The following DCN variants were observed in gnomAD, a reference collection of about 807,000 sequenced individuals.
The protein encoded by DCN is bone proteoglycan II.
In DCN, 17 loss-of-function variants were observed where a neutral mutation model predicts 36.5. The ratio of observed to expected loss-of-function variants is 0.47; its 90% CI spans 0.32 to 0.70. The LOEUF is 0.70. Ranked by LOEUF, DCN falls within the 30% of genes least tolerant of loss-of-function variation. DCN has a pLI of 0.04. For synonymous variants in DCN, 163 were observed against 161.4 expected, an observed-to-expected ratio of 1.01 and a Z score of -0.07; for missense variants, 389 against 430.1, an observed-to-expected ratio of 0.90 and a Z score of 0.84.
chr12:91,173,758 G>T (rs1883120910), intron 2 of DCN, among the ~76,000 whole-genome samples: 1 of 152,118 alleles, frequency 6.6e-6, no homozygotes, highest in African/African-American at 2.4e-5. Flanking sequence ...TTTCTGGGTT[G>T]ATTTCATGGG....
intron 2 of DCN, 81 bp downstream of exon 2, chr12:91,178,261 T>C (rs1391412220): frequency 5.5e-6 from 7 of 1,272,232 alleles, no homozygotes; most frequent in Admixed American, 1.7e-5. Context: ...AGATTAAAAC[T>C]GAAAATGCTA....
intron 7 of DCN, 141 bp from the exon 8 acceptor site, chr12:91,146,393 G>A (rs1167559682): frequency 4.2e-6 from 2 of 472,950 alleles, no homozygotes; most frequent in Middle Eastern, 5.3e-4. Flanking sequence ...ATCTTGCTTT[G>A]TCACCCAGGC....
Position 91,145,273 on chromosome 12 carries a change from A to T in DCN, c.*785T>A, listed in dbSNP as rs1329145974. The T allele has an allele frequency of 6.6e-6, 1 of 152,220 alleles. No homozygotes were observed. The highest frequency in any genetic ancestry group is 6.5e-5 in the Admixed American group (1 of 15,280). 9.4% of individuals were successfully genotyped at this position (152,220 alleles called of 1,614,324 possible). On this transcript the variant is annotated 3_prime_UTR_variant, in exon 8 of 8. Transcript: ENST00000052754. ...TTACATGAAGTCACATGATAGTTTT[A>T]ATATTTATTTAGCAGAGGGGTAAAT...
chr12:91,167,429 G>C (rs1882641924), intron 2 of DCN, among the ~76,000 whole-genome samples: 1 of 151,228 alleles, frequency 6.6e-6, no homozygotes, highest in African/African-American at 2.4e-5. Flanking sequence ...AGTGTGGTTA[G>C]TTTTAATGTA....
chr12:91,168,934 C>A (rs1003117628), intron 2 of DCN, among the ~76,000 whole-genome samples: 4 of 152,160 alleles, frequency 2.6e-5, no homozygotes, highest in African/African-American at 4.8e-5. Context: ...CTCTACATGG[C>A]ATATATTTCT....
chr12:91,158,250 G>T, intron 4 of DCN, 46 bp downstream of exon 4: 2 of 1,214,442 alleles, frequency 1.6e-6, no homozygotes, highest in Non-Finnish European at 2.5e-6. Context: ...AATCTCTTAA[G>T]ATAAAAACTT....
chr12:91,169,060 A>C (rs1882765531), intron 2 of DCN, among the ~76,000 whole-genome samples: 1 of 152,202 alleles, frequency 6.6e-6, no homozygotes, highest in Non-Finnish European at 1.5e-5. Flanking sequence ...TAAATTCCAA[A>C]AGAAAATGAA....
intron 7 of DCN, among the ~76,000 whole-genome samples, chr12:91,146,912 G>A (rs1881063695): frequency 6.6e-6 from 1 of 152,070 alleles, no homozygotes; most frequent in Non-Finnish European, 1.5e-5. Flanking sequence ...CCTCTACTCC[G>A]ACAACCTTGT....
chr12:91,180,813 C>T (rs1463178371), intron 1 of DCN: 2 of 152,076 alleles, frequency 1.3e-5, no homozygotes, highest in African/African-American at 4.8e-5. Flanking sequence ...AGCTTGCTAG[C>T]CTTGCATATT....
rs1045542873 is a variant in DCN, at chr12:91,157,072, C to T, written c.652+3G>A. On this transcript the variant is annotated splice_donor_region_variant and intron_variant, in intron 5 of 7. Transcript: ENST00000052754. ...CAAAATGTTTTGGAGAATCTTCTAT[C>T]ACCTTGAGGAATGCTGGTGATATTG... The T allele has an allele frequency of 1.1e-5, 17 of 1,554,484 alleles. No homozygotes were observed. The highest frequency in any genetic ancestry group is 1.0e-4 in the South Asian group (9 of 89,936).
chr12:91,153,085 A>G lies in DCN; in HGVS notation c.746+11T>C, dbSNP rs1881538277. The G allele has an allele frequency of 7.0e-7, 1 of 1,425,550 alleles. No individual in the cohort carries two copies. Among genetic ancestry groups the G allele is most frequent in the East Asian group, 2.3e-5 (1 of 43,916 alleles). 88.3% of individuals were successfully genotyped at this position (1,425,550 alleles called of 1,614,324 possible). A position where few individuals can be genotyped will look rare whatever the true frequency, so the allele number is the denominator to read the frequency against. On this transcript the variant is annotated intron_variant, in intron 6 of 7. Coordinates refer to ENST00000052754, the MANE Select transcript of DCN (RefSeq NM_001920.5). ...TTGTTCTGATAGAATGTCATGAAAG[A>G]ATATTATTACTTAGCCAAATTATTC... is the stretch of plus-strand genomic sequence containing the variant.
At chr12:91,160,151 G>A (rs1473596305) in intron 3 of DCN, among the ~76,000 whole-genome samples, 1 of 151,992 alleles carries the variant, frequency 6.6e-6, no homozygotes, top group African/African-American at 2.4e-5. Context: ...AAAAACTTGT[G>A]GGAGTTAAGG....
At chr12:91,161,276 A>G (rs1882137387) in intron 3 of DCN, among the ~76,000 whole-genome samples, 1 of 152,228 alleles carries the variant, frequency 6.6e-6, no homozygotes, top group South Asian at 2.1e-4. Flanking sequence ...TGAGAATGTC[A>G]TGGACACTAG....
At chr12:91,168,349 C>A (rs1882720078) in intron 2 of DCN, among the ~76,000 whole-genome samples, 1 of 152,108 alleles carries the variant, frequency 6.6e-6, no homozygotes, top group Admixed American at 6.5e-5. Flanking sequence ...TCATGCTGAC[C>A]ACCCCTGTAT....
chr12:91,162,618 A>G (rs544720736), intron 3 of DCN, among the ~76,000 whole-genome samples: 33 of 152,338 alleles, frequency 2.2e-4, no homozygotes, highest in African/African-American at 7.7e-4. Context: ...TCCCAACATT[A>G]AGAATGTATT....
In DCN at chr12:91,148,755, A is replaced by G. The variant is rs3138279; in HGVS notation, c.886-2503T>C. On this transcript the variant is annotated intron_variant, in intron 7 of 7. Coordinates refer to ENST00000052754, the MANE Select transcript of DCN (RefSeq NM_001920.5). Reference sequence around the variant, plus strand: ...AAAAAAAAAAAAAAAAAAAATTTGAAATATTGTTCTACCCACTAGGACATT... The same window carrying G: ...AAAAAAAAAAAAAAAAAAAATTTGAGATATTGTTCTACCCACTAGGACATT... 3.2e-3 allele frequency among the ~76,000 whole-genome samples: 483 copies of G among 150,016 alleles called. 4 individuals are homozygous for G. Among genetic ancestry groups the G allele is most frequent in the African/African-American group, 0.012 (465 of 40,278 alleles).
At chr12:91,148,749 A>AT (rs1419252128) in intron 7 of DCN, among the ~76,000 whole-genome samples, 1 of 147,868 alleles carries the variant, frequency 6.8e-6, no homozygotes. Flanking sequence ...AAAAAAAAAA[A>AT]TTTGAAATAT....
At chr12:91,146,358 T>TC (rs1339820355) in intron 7 of DCN, 106 bp from the exon 8 acceptor site, 19 of 666,596 alleles carry the variant, frequency 2.9e-5, no homozygotes, top group Admixed American at 1.2e-4. Context: ...TCACTTTTTT[T>TC]TTTTTTTTTT....
chr12:91,165,770 A>G (rs1397173242), intron 2 of DCN, among the ~76,000 whole-genome samples: 2 of 152,158 alleles, frequency 1.3e-5, no homozygotes, highest in Admixed American at 6.5e-5. Context: ...TCTCCATCAT[A>G]TCTGAAACTT....
Sources: allele counts gnomAD v4.1 joint callset (sites outside exome capture counted in the v4.1 genomes callset), GRCh38; gene constraint gnomAD v4.1.1; transcripts MANE v1.5; gene names NCBI Gene and HGNC (gene_info 2026-07-23, HGNC 2026-07-21).